Variants in TSPAN7 observed in about 807,000 individuals in gnomAD.
The protein encoded by TSPAN7 is tetraspanin 7, also known as tetraspanin-7.
TSPAN7 carries 1 observed loss-of-function variant against 17.6 expected under a neutral mutation model. The ratio of observed to expected loss-of-function variants is 0.06; its 90% CI spans 0.02 to 0.27. The LOEUF (loss-of-function observed/expected upper bound fraction) is 0.27, where lower values mean the gene tolerates loss of function less well. TSPAN7 is among the 10% of genes least tolerant of loss of function. The pLI is 1.00. For missense variants in TSPAN7, 112 were observed against 201.7 expected, an observed-to-expected ratio of 0.56 and a Z score of 2.69; for synonymous variants, 78 against 79.0, an observed-to-expected ratio of 0.99 and a Z score of 0.07.
At chrX:38,670,641 T>C (rs1017569722) in intron 2 of TSPAN7, among the ~76,000 whole-genome samples, 5 of 112,497 alleles carry the variant, frequency 4.4e-5, no homozygotes, top group African/African-American at 1.6e-4. Context: ...CACGTTTGGC[T>C]TCTTGGGCCC....
intron 1 of TSPAN7, among the ~76,000 whole-genome samples, chrX:38,660,552 T>C (rs755305987): frequency 1.8e-5 from 2 of 112,263 alleles, no homozygotes; most frequent in Non-Finnish European, 3.8e-5. Context: ...GTGTGGAGTT[T>C]CAGTGTCACG....
intron 1 of TSPAN7, among the ~76,000 whole-genome samples, chrX:38,618,205 G>A (rs751092981): frequency 3.3e-4 from 37 of 111,834 alleles, no homozygotes; most frequent in Non-Finnish European, 7.0e-4. Flanking sequence ...GTCAGAACTC[G>A]TTAAGTTCAC....
intron 1 of TSPAN7, among the ~76,000 whole-genome samples, chrX:38,575,873 T>C (rs980161432): frequency 8.9e-6 from 1 of 112,287 alleles, no homozygotes; most frequent in African/African-American, 3.2e-5. Context: ...AAAAAAAGTC[T>C]GTTTACTTTC....
At chrX:38,667,051 T>C (rs1329828938) in intron 2 of TSPAN7, among the ~76,000 whole-genome samples, 2 of 112,009 alleles carry the variant, frequency 1.8e-5, no homozygotes, top group African/African-American at 3.2e-5. Context: ...AGCCTGGCCA[T>C]GCATGGATGC....
At chrX:38,635,583 C>T (rs999167076) in intron 1 of TSPAN7, among the ~76,000 whole-genome samples, 5 of 111,246 alleles carry the variant, frequency 4.5e-5, no homozygotes, top group African/African-American at 6.6e-5. Flanking sequence ...ACATCCTTGC[C>T]GGAAAGAGAG....
intron 1 of TSPAN7, among the ~76,000 whole-genome samples, chrX:38,636,236 A>C (rs1339864134): frequency 9.0e-6 from 1 of 111,555 alleles, no homozygotes; most frequent in African/African-American, 3.3e-5. Context: ...CCTACTTAAC[A>C]GCAGGACAGA....
intron 1 of TSPAN7, among the ~76,000 whole-genome samples, chrX:38,606,122 G>A (rs1374149123): frequency 2.8e-5 from 3 of 107,719 alleles, no homozygotes; most frequent in African/African-American, 1.0e-4. Flanking sequence ...GAGTGAACAG[G>A]CAACCTACAA....
chrX:38,617,163 C>T (rs2069460149), intron 1 of TSPAN7, among the ~76,000 whole-genome samples: 1 of 111,731 alleles, frequency 9.0e-6, no homozygotes, highest in African/African-American at 3.3e-5. Context: ...GCTGGTTTTC[C>T]CACTTTCTCG....
At chrX:38,655,031 A>G (rs928876915) in intron 1 of TSPAN7, among the ~76,000 whole-genome samples, 4 of 112,157 alleles carry the variant, frequency 3.6e-5, no homozygotes, top group African/African-American at 9.7e-5. Context: ...GTGAGGCTGC[A>G]GCAGAGTGAA....
chrX:38,651,829 A>G (rs141249974), intron 1 of TSPAN7, among the ~76,000 whole-genome samples: 1,769 of 112,008 alleles, frequency 0.016, 39 homozygotes, highest in African/African-American at 0.054. Context: ...TTTAGTTCCA[A>G]TATATGTCAG....
chrX:38,644,167 G>A (rs1168553650), intron 1 of TSPAN7, among the ~76,000 whole-genome samples: 1 of 112,014 alleles, frequency 8.9e-6, no homozygotes, highest in Non-Finnish European at 1.9e-5. Flanking sequence ...TTTCAGTAGG[G>A]TGATGTATAG....
At chrX:38,569,569 T>G (rs747015055) in intron 1 of TSPAN7, among the ~76,000 whole-genome samples, 23 of 111,162 alleles carry the variant, frequency 2.1e-4, no homozygotes, top group African/African-American at 7.5e-4. Context: ...TCCCCTTTCC[T>G]CCCTACTTCC....
At chrX:38,649,837 G>A (rs1017068072) in intron 1 of TSPAN7, among the ~76,000 whole-genome samples, 4 of 112,070 alleles carry the variant, frequency 3.6e-5, no homozygotes, top group African/African-American at 1.3e-4. Context: ...TGGGTTGCCC[G>A]GCTCACAGCC....
At chrX:38,628,423 C>T (rs935078884) in intron 1 of TSPAN7, among the ~76,000 whole-genome samples, 1 of 111,879 alleles carries the variant, frequency 8.9e-6, no homozygotes, top group African/African-American at 3.3e-5. Flanking sequence ...GAGAAAAAAA[C>T]AACTCCAGTC....
chrX:38,614,670 C>T (rs1008424230), intron 1 of TSPAN7, among the ~76,000 whole-genome samples: 6 of 112,832 alleles, frequency 5.3e-5, no homozygotes, highest in Non-Finnish European at 9.4e-5. Flanking sequence ...GCTGCAGGGA[C>T]TCTTGCCTCC....
intron 1 of TSPAN7, among the ~76,000 whole-genome samples, chrX:38,603,909 A>C (rs1357890817): frequency 1.9e-5 from 2 of 105,561 alleles, no homozygotes; most frequent in African/African-American, 6.9e-5. Flanking sequence ...TTTAGGGTAC[A>C]TGTGCACAAT....
intron 1 of TSPAN7, among the ~76,000 whole-genome samples, chrX:38,658,065 A>T (rs1327942772): frequency 9.5e-6 from 1 of 105,647 alleles, no homozygotes; most frequent in African/African-American, 3.5e-5. Context: ...AGGATGTAAT[A>T]ATATTAAAAT....
intron 1 of TSPAN7, among the ~76,000 whole-genome samples, chrX:38,620,569 G>A (rs1484542110): frequency 9.0e-6 from 1 of 111,429 alleles, no homozygotes; most frequent in Non-Finnish European, 1.9e-5. Context: ...AGGTATGAAA[G>A]GGATCAGAAT....
chrX:38,656,024 C>A (rs372797693), intron 1 of TSPAN7: 5 of 324,836 alleles, frequency 1.5e-5, no homozygotes, highest in South Asian at 8.1e-5. Flanking sequence ...TTCACGAGGA[C>A]ACAGCCAATA....
Sources: allele counts gnomAD v4.1 joint callset (sites outside exome capture counted in the v4.1 genomes callset), GRCh38; gene constraint gnomAD v4.1.1; transcripts MANE v1.5; gene names NCBI Gene and HGNC (gene_info 2026-07-23, HGNC 2026-07-21).